Variants in RBBP7 observed in about 807,000 individuals in gnomAD.
The protein encoded by RBBP7 is histone-binding protein RBBP7.
Under a neutral mutation model 35.2 loss-of-function variants are expected in RBBP7, and 5 were observed. The observed-to-expected ratio is 0.14, with a 90% confidence interval of 0.07 to 0.30. RBBP7 has a LOEUF of 0.30. Among genes scored for constraint, RBBP7 ranks in the 10% least tolerant of loss-of-function variants. RBBP7 has a pLI of 1.00. For synonymous variants in RBBP7, 140 were observed against 118.7 expected (o/e 1.18, Z -1.17); for missense variants, 155 against 327.5 (o/e 0.47, Z 4.07).
chrX:16,845,466 C>G (rs4828535), intron 11 of RBBP7, among the ~76,000 whole-genome samples: 56,862 of 110,646 alleles, frequency 0.51, 11,243 homozygotes, highest in East Asian at 0.85. Flanking sequence ...AGAGAACTTG[C>G]TGTCATTTGA....
At chrX:16,848,308 C>T (rs1050246941) in intron 10 of RBBP7, 1 of 111,702 alleles carries the variant, frequency 9.0e-6, no homozygotes. Context: ...CAAGAACACT[C>T]CCTCCCCACT....
chrX:16,853,539 T>C (rs1930264565), intron 6 of RBBP7, 143 bp downstream of exon 6: 1 of 457,626 alleles, frequency 2.2e-6, no homozygotes. Context: ...TCCCAAGGTA[T>C]TGAGATTACA....
At position 16,857,835 on chromosome X, in the gene RBBP7, C is replaced by T. The variant is rs764178219; in HGVS notation, c.482-126G>A. The T allele has an allele frequency of 2.8e-4, 267 of 967,604 alleles. No homozygotes were observed. In the South Asian group the frequency reaches 6.8e-3, roughly 25 times the overall value. The allele number at this position is 967,604 out of a possible 1,213,427, so 79.7% of individuals were successfully genotyped here. On this transcript the variant is annotated intron_variant, in intron 4 of 11. Coordinates refer to ENST00000380087, the MANE Select transcript of RBBP7 (RefSeq NM_002893.4). ...ACGAACGAGATCTGGTCTTTAATAC[C>T]CAATGCAAATTGAGCCTCATGACCA...
intron 9 of RBBP7, among the ~76,000 whole-genome samples, chrX:16,850,452 C>CA (rs1409263539): frequency 8.8e-6 from 1 of 113,093 alleles, no homozygotes; most frequent in Non-Finnish European, 1.9e-5. Context: ...GCCAGGGCAT[C>CA]AGACTTCCAA....
chrX:16,869,488 T>C (rs1930714733), intron 1 of RBBP7: 1 of 1,166,264 alleles, frequency 8.6e-7, no homozygotes, highest in Admixed American at 2.6e-5. Context: ...TTACAGCTGT[T>C]CGCACCTGTT....
chrX:16,869,862 C>A (rs1930733988), intron 1 of RBBP7, 176 bp downstream of exon 1: 2 of 842,406 alleles, frequency 2.4e-6, no homozygotes, highest in South Asian at 6.5e-5. Context: ...TGCTCGGAGC[C>A]CTCGGCGCGG....
intron 5 of RBBP7, among the ~76,000 whole-genome samples, chrX:16,855,198 T>C (rs1220579377): frequency 1.8e-5 from 2 of 110,436 alleles, no homozygotes; most frequent in African/African-American, 6.6e-5. Context: ...TACAGGTGTA[T>C]GCCACCAAGC....
chrX:16,856,457 G>C (rs938855154), intron 5 of RBBP7, among the ~76,000 whole-genome samples: 10 of 110,488 alleles, frequency 9.1e-5, no homozygotes, highest in Non-Finnish European at 1.9e-4. Context: ...TTGGACCTGA[G>C]AGGTGGAGGT....
At chrX:16,869,415 A>G in intron 1 of RBBP7, 195 bp from the exon 2 acceptor site, 1 of 1,102,829 alleles carries the variant, frequency 9.1e-7, no homozygotes, top group Non-Finnish European at 1.2e-6. Context: ...CATTGAGATC[A>G]ATACCCCCTG....
At chrX:16,856,143 T>C (rs931688446) in intron 5 of RBBP7, among the ~76,000 whole-genome samples, 3 of 110,686 alleles carry the variant, frequency 2.7e-5, no homozygotes, top group Non-Finnish European at 5.7e-5. Context: ...GACAAAGAAT[T>C]TGAATACCTA....
chrX:16,860,710 T>C (rs1358846586), intron 3 of RBBP7, among the ~76,000 whole-genome samples: 1 of 107,636 alleles, frequency 9.3e-6, no homozygotes, highest in Non-Finnish European at 1.9e-5. Context: ...AAAAAAAATA[T>C]ATATACTGAA....
At chrX:16,869,418 A>T in intron 1 of RBBP7, 198 bp from the exon 2 acceptor site, 1 of 1,105,060 alleles carries the variant, frequency 9.0e-7, no homozygotes, top group South Asian at 2.1e-5. Context: ...TGAGATCAAT[A>T]CCCCCTGCGT....
intron 10 of RBBP7, chrX:16,848,632 A>G (rs1930141859): frequency 8.9e-6 from 1 of 112,194 alleles, no homozygotes; most frequent in Non-Finnish European, 1.9e-5. Flanking sequence ...AAATAATGGG[A>G]GGAGACAAAT....
intron 2 of RBBP7, among the ~76,000 whole-genome samples, chrX:16,866,522 TCAAAAAAAAAAAA>T (rs1930620988): frequency 7.2e-5 from 1 of 13,876 alleles, no homozygotes; most frequent in African/African-American, 4.2e-4. Flanking sequence ...CGAGACTGTC[TCAAAAAAAAAAAA>T]AAAAAAAAAA....
In RBBP7 at chrX:16,869,032, G is replaced by A. The variant is rs369008254; in HGVS notation, c.161+44C>T. On this transcript the variant is annotated intron_variant, in intron 2 of 11. Coordinates refer to ENST00000380087, the MANE Select transcript of RBBP7 (RefSeq NM_002893.4). Reference sequence around the variant, plus strand: ...ACGCCAAAACTAGGAAATTCAGAACGACAGTTAAATTTAAACAAAATAAAA... The same window carrying A: ...ACGCCAAAACTAGGAAATTCAGAACAACAGTTAAATTTAAACAAAATAAAA... 8.6e-6 allele frequency: 10 copies of A among 1,169,395 alleles called. No individual in the cohort carries two copies. In the African/African-American group the frequency reaches 1.8e-4, roughly 21 times the overall value.
At chrX:16,851,138 G>C (rs1428601591) in intron 9 of RBBP7, among the ~76,000 whole-genome samples, 1 of 101,901 alleles carries the variant, frequency 9.8e-6, no homozygotes, top group Non-Finnish European at 2.0e-5. Flanking sequence ...AAAAAAAAAA[G>C]AAAAGAAAAG....
chrX:16,867,526 C>A (rs1455671235), intron 2 of RBBP7, among the ~76,000 whole-genome samples: 3 of 111,472 alleles, frequency 2.7e-5, no homozygotes, highest in Non-Finnish European at 5.6e-5. Context: ...TCATTTAGTT[C>A]TTCTCTACTC....
chrX:16,845,432 G>A (rs941671929), intron 11 of RBBP7, among the ~76,000 whole-genome samples: 3 of 112,252 alleles, frequency 2.7e-5, no homozygotes. Context: ...ACTTAGAAAT[G>A]TCAGCTACTT....
At chrX:16,850,686 T>C (rs1340721837) in intron 9 of RBBP7, among the ~76,000 whole-genome samples, 5 of 112,556 alleles carry the variant, frequency 4.4e-5, no homozygotes, top group East Asian at 2.8e-4. Flanking sequence ...GTCTCTTCTA[T>C]ATACTGAGGA....
Sources: allele counts gnomAD v4.1 joint callset (sites outside exome capture counted in the v4.1 genomes callset), GRCh38; gene constraint gnomAD v4.1.1; transcripts MANE v1.5; gene names NCBI Gene and HGNC (gene_info 2026-07-23, HGNC 2026-07-21).